EPM2A: variants seen among roughly 807,000 people sequenced by gnomAD.
The protein encoded by EPM2A is laforin.
Under a neutral mutation model 26.5 loss-of-function variants are expected in EPM2A, and 21 were observed. The observed-to-expected ratio is 0.79, with a 90% CI of 0.56 to 1.14. The LOEUF is 1.14. Ranked by LOEUF, EPM2A falls within the 50% of genes most tolerant of loss-of-function variation. The pLI is 0.00. For missense variants in EPM2A, 458 were observed against 440.8 expected, an observed-to-expected ratio of 1.04 and a Z score of -0.35; for synonymous variants, 217 against 177.6, an observed-to-expected ratio of 1.22 and a Z score of -1.76.
intron 2 of EPM2A, among the ~76,000 whole-genome samples, chr6:145,645,986 C>T (rs1343255475): frequency 2.6e-5 from 4 of 152,108 alleles, no homozygotes; most frequent in Admixed American, 1.3e-4. Context: ...TCTCATCTAA[C>T]GAGAAGAGTC....
intron 1 of EPM2A, chr6:145,722,804 G>A: frequency 2.2e-6 from 1 of 444,632 alleles, no homozygotes; most frequent in South Asian, 1.6e-5. Context: ...GAAGAAATTT[G>A]GGCACAGAGA....
At chr6:145,579,101 T>C (rs956246758) in intron 2 of EPM2A, among the ~76,000 whole-genome samples, 6 of 151,906 alleles carry the variant, frequency 3.9e-5, no homozygotes, top group African/African-American at 1.2e-4. Flanking sequence ...TGTATACATA[T>C]GTAACAAACA....
chr6:145,555,815 T>A (rs1780721022), intron 2 of EPM2A, among the ~76,000 whole-genome samples: 2 of 152,110 alleles, frequency 1.3e-5, no homozygotes, highest in Non-Finnish European at 2.9e-5. Flanking sequence ...TCTCATCTAT[T>A]CCACACACTC....
At chr6:145,666,745 A>G (rs1779229896) in intron 2 of EPM2A, among the ~76,000 whole-genome samples, 1 of 149,134 alleles carries the variant, frequency 6.7e-6, no homozygotes, top group South Asian at 2.1e-4. Flanking sequence ...GAGGCATCAC[A>G]CTACCTGACT....
intron 3 of EPM2A, chr6:145,628,434 G>T (rs760821283): frequency 6.6e-6 from 1 of 152,202 alleles, no homozygotes; most frequent in Non-Finnish European, 1.5e-5. Context: ...ACTCTGCTCC[G>T]CTCTCTCATC....
At chr6:145,442,911 A>T (rs1430526412) in intron 4 of EPM2A, among the ~76,000 whole-genome samples, 1 of 151,020 alleles carries the variant, frequency 6.6e-6, no homozygotes, top group African/African-American at 2.4e-5. Flanking sequence ...CGCAGGCTGG[A>T]GTGCAGTGGC....
At chr6:145,384,977 GA>G (rs1045791197) in intron 4 of EPM2A, among the ~76,000 whole-genome samples, 2 of 147,154 alleles carry the variant, frequency 1.4e-5, no homozygotes, top group Non-Finnish European at 3.0e-5. Context: ...AGAATACAAA[GA>G]AAAAAATACT....
chr6:145,543,479 T>G lies in EPM2A; in HGVS notation c.341-40904A>C, dbSNP rs114675311. Among the ~76,000 whole-genome samples, 759 of 152,152 alleles carry G rather than the reference T, an allele frequency of 5.0e-3. 4 individuals carry two copies. Among genetic ancestry groups the G allele is most frequent in the African/African-American group, 0.018 (739 of 41,512 alleles). ...TGAGAATTCTGCAGCTCAGAAACATTAAACGACTTGCCCAAGGCCATACAA... is the reference window on the plus strand; with the variant it reads ...TGAGAATTCTGCAGCTCAGAAACATGAAACGACTTGCCCAAGGCCATACAA... On this transcript the variant is annotated intron_variant, in intron 2 of 3. Coordinates refer to the EPM2A transcript ENST00000450221.
chr6:145,587,370 C>T (rs1469769569), intron 2 of EPM2A, among the ~76,000 whole-genome samples: 6 of 152,078 alleles, frequency 3.9e-5, no homozygotes, highest in African/African-American at 1.4e-4. Context: ...TACTAATATG[C>T]CTTGAAGTGT....
At chr6:145,605,121 C>T (rs1184423697) in intron 2 of EPM2A, among the ~76,000 whole-genome samples, 1 of 152,098 alleles carries the variant, frequency 6.6e-6, no homozygotes, top group African/African-American at 2.4e-5. Flanking sequence ...CTTTGGCCTA[C>T]TTATTTAAGA....
At chr6:145,499,036 T>A (rs1779856374), downstream of EPM2A, among the ~76,000 whole-genome samples, 1 of 152,214 alleles carries the variant, frequency 6.6e-6, no homozygotes, top group African/African-American at 2.4e-5. Context: ...TGGGTCTCTC[T>A]CATCCGTTTT....
intron 1 of EPM2A, among the ~76,000 whole-genome samples, chr6:145,726,210 T>C (rs1776197929): frequency 6.6e-6 from 1 of 151,944 alleles, no homozygotes; most frequent in African/African-American, 2.4e-5. Context: ...GAGAAGTCAC[T>C]GAAAGAGTAC....
intron 4 of EPM2A, among the ~76,000 whole-genome samples, chr6:145,389,301 T>G (rs1778306654): frequency 6.6e-6 from 1 of 152,020 alleles, no homozygotes. Context: ...GCAATTCTCC[T>G]GCCTCAGCCA....
chr6:145,619,018 T>C (rs939086618), intron 2 of EPM2A, among the ~76,000 whole-genome samples: 2 of 152,078 alleles, frequency 1.3e-5, no homozygotes, highest in Non-Finnish European at 2.9e-5. Context: ...TTAGGAAGCA[T>C]AATGAAAGTA....
intron 2 of EPM2A, among the ~76,000 whole-genome samples, chr6:145,660,464 T>G (rs1049136967): frequency 6.6e-6 from 1 of 152,216 alleles, no homozygotes; most frequent in Non-Finnish European, 1.5e-5. Context: ...CTTGTTTAAC[T>G]TTTTACTCCA....
At chr6:145,493,422 G>A (rs1346474879) in intron 4 of EPM2A, among the ~76,000 whole-genome samples, 2 of 152,180 alleles carry the variant, frequency 1.3e-5, no homozygotes, top group African/African-American at 4.8e-5. Flanking sequence ...ATAGGATCAT[G>A]TCATCCGCAA....
At chr6:145,429,959 G>C (rs1428716252) in intron 4 of EPM2A, among the ~76,000 whole-genome samples, 1 of 152,190 alleles carries the variant, frequency 6.6e-6, no homozygotes, top group African/African-American at 2.4e-5. Context: ...CACTCTGAGA[G>C]GCTGAGGCGG....
intron 2 of EPM2A, among the ~76,000 whole-genome samples, chr6:145,555,732 A>G (rs943601493): frequency 6.6e-6 from 1 of 152,118 alleles, no homozygotes; most frequent in South Asian, 2.1e-4. Context: ...ATAGATATGT[A>G]TATGTATTTA....
chr6:145,640,653 A>G (rs1170228891), intron 2 of EPM2A: 5 of 152,204 alleles, frequency 3.3e-5, no homozygotes, highest in Admixed American at 6.5e-5. Flanking sequence ...GGGCAATTCA[A>G]TGAGAAATTA....
Sources: gnomAD v4.1 joint callset for allele counts (sites outside exome capture counted in the v4.1 genomes callset) on GRCh38, gnomAD v4.1.1 for gene constraint, MANE v1.5 for transcripts, NCBI Gene and HGNC (gene_info 2026-07-23, HGNC 2026-07-21) for gene names.